Variants in NSUN7 observed in about 807,000 individuals in gnomAD.
NSUN7 encodes NOP2/Sun RNA methyltransferase family member 7.
A neutral mutation model predicts 58.5 loss-of-function variants in NSUN7; 39 were observed. The ratio of observed to expected loss-of-function variants is 0.67; its 90% CI spans 0.52 to 0.87. The LOEUF is 0.87. Ranked by LOEUF, NSUN7 falls within the 40% of genes least tolerant of loss-of-function variation. The probability of loss-of-function intolerance (pLI) is 0.00; values close to 1 mark genes in which losing one functional copy is unlikely to be tolerated. For missense variants in NSUN7, 765 were observed against 844.1 expected, an observed-to-expected ratio of 0.91 and a Z score of 1.16; for synonymous variants, 278 against 303.7, an observed-to-expected ratio of 0.92 and a Z score of 0.88.
chr4:40,780,786 CATACACAT>C (rs1195381185), intron 7 of NSUN7, among the ~76,000 whole-genome samples: 8 of 98,180 alleles, frequency 8.1e-5, no homozygotes, highest in East Asian at 2.6e-4. Flanking sequence ...CACACACACA[CATACACAT>C]ATATATATAT....
Position 40,798,802 on chromosome 4 carries a change from C to T in NSUN7, c.1298C>T (p.Ala433Val). The change falls in exon 10 of 12, where the codon GCA becomes GTA. Residue 433 changes from alanine to valine, a missense_variant. Physicochemically the swap from Ala to Val is moderately conservative, Grantham distance 64 (BLOSUM62 0). Transcript: ENST00000381782. ...THAMKFTKAQ[A>V]VVYCTCSVFP... ...TCTAATATAGTTACTAAAGCTCAAG[C>T]AGTTGTTTACTGCACATGTTCAGTT... is the stretch of plus-strand genomic sequence containing the variant. The T allele has an allele frequency of 6.2e-7, 1 of 1,603,202 alleles. No homozygotes were observed. Among genetic ancestry groups the T allele is most frequent in the Non-Finnish European group, 8.5e-7 (1 of 1,172,216 alleles).
In NSUN7 at chr4:40,776,220, C is replaced by T; in HGVS notation, c.997C>T (p.Pro333Ser). ...VCGVQSQAKDPDLKTLFTKIG... is the reference protein window; with the variant it reads ...VCGVQSQAKDSDLKTLFTKIG... ...TGGAGTACAATCACAAGCTAAGGAT[C>T]CTGACTTGAAGACCCTTTTCACAAA... The change falls in exon 7 of 12, where the codon CCT becomes TCT. Residue 333 changes from proline (P) to serine (S), a missense_variant. Transcript: ENST00000381782. 1 of 1,609,786 alleles carries T rather than the reference C, an allele frequency of 6.2e-7. No homozygotes were observed. Among genetic ancestry groups the T allele is most frequent in the Non-Finnish European group, 8.5e-7 (1 of 1,178,770 alleles).
intron 7 of NSUN7, chr4:40,786,124 C>G: frequency 6.4e-7 from 1 of 1,573,294 alleles, no homozygotes; most frequent in Non-Finnish European, 8.6e-7. Flanking sequence ...GGGGAATGGG[C>G]TATCAGACCA....
rs189149085 is a variant in NSUN7, at chr4:40,793,658, T to C, written c.1181-717T>C. Among the ~76,000 whole-genome samples, 460 of 152,300 alleles carry C rather than the reference T, an allele frequency of 3.0e-3. 2 individuals carry two copies. The highest frequency in any genetic ancestry group is 0.011 in the African/African-American group (439 of 41,574). On this transcript the variant is annotated intron_variant, in intron 8 of 11. Coordinates refer to ENST00000381782, the MANE Select transcript of NSUN7 (RefSeq NM_024677.6). ...GAGTTTAAAAATTTGGGTCCTCTGG[T>C]TAGATTTCTGAGTTAGAATCCTGGC...
rs1334691789 is a variant in NSUN7, at chr4:40,750,783, G to GA, written c.94dup (p.Ser32LysfsTer42). ...TCACTTCCCTGCCTCTGTCCGGTGG[G>GA]AAAAGCTCAGCTGGTGTGCCCGAAA... is the stretch of plus-strand genomic sequence containing the variant. On this transcript the variant is annotated frameshift_variant, in exon 2 of 12. Transcript: ENST00000381782. LOFTEE classifies it high-confidence loss of function. The GA allele has an allele frequency of 6.2e-7, 1 of 1,614,196 alleles. No individual in the cohort carries two copies. The highest frequency in any genetic ancestry group is 8.5e-7 in the Non-Finnish European group (1 of 1,180,036).
intron 7 of NSUN7, among the ~76,000 whole-genome samples, chr4:40,781,840 T>C (rs1742581497): frequency 1.3e-5 from 2 of 152,230 alleles, no homozygotes; most frequent in Non-Finnish European, 2.9e-5. Flanking sequence ...GAAAAAGATA[T>C]GCTGTGTGTA....
chr4:40,804,918 A>G (rs995463082), intron 10 of NSUN7, among the ~76,000 whole-genome samples: 1 of 152,088 alleles, frequency 6.6e-6, no homozygotes, highest in African/African-American at 2.4e-5. Flanking sequence ...AACCACCACC[A>G]AACCTCTCAG....
At chr4:40,756,140 A>G (rs780253503) in intron 2 of NSUN7, among the ~76,000 whole-genome samples, 8 of 152,224 alleles carry the variant, frequency 5.3e-5, no homozygotes, top group Non-Finnish European at 8.8e-5. Context: ...CTTAGAGGTT[A>G]TCTCCTAGGA....
rs1741449495 is a variant in NSUN7, at chr4:40,761,228, T to C, written c.415T>C (p.Phe139Leu). The C allele has an allele frequency of 8.2e-6, 13 of 1,586,000 alleles. No homozygotes were observed. Among genetic ancestry groups the C allele is most frequent in the Non-Finnish European group, 1.1e-5 (13 of 1,171,550 alleles). Reference protein sequence around the residue: ...VMLYDFQDRKFQTRVLSDNEE... With the variant: ...VMLYDFQDRKLQTRVLSDNEE... The stretch of plus-strand genomic sequence containing the variant: ...GCTATATGATTTCCAAGATAGAAAA[T>C]TTCAAACTCGTGTCCTTTCTGATAA... The change falls in exon 4 of 12, where the codon TTT becomes CTT. Residue 139 changes from phenylalanine to leucine, a missense_variant. Coordinates refer to ENST00000381782, the MANE Select transcript of NSUN7 (RefSeq NM_024677.6).
intron 11 of NSUN7, among the ~76,000 whole-genome samples, 189 bp from the exon 12 acceptor site, chr4:40,808,118 T>G (rs1743905334): frequency 6.6e-6 from 1 of 151,976 alleles, no homozygotes; most frequent in Non-Finnish European, 1.5e-5. Flanking sequence ...AGTTTTTTTT[T>G]TGTTTGTTTT....
chr4:40,754,047 C>T (rs576580473), intron 2 of NSUN7, among the ~76,000 whole-genome samples: 1 of 152,102 alleles, frequency 6.6e-6, no homozygotes, highest in Non-Finnish European at 1.5e-5. Context: ...ATACAACAGT[C>T]TTGCTTTAAA....
intron 7 of NSUN7, chr4:40,786,572 G>A: frequency 2.5e-6 from 4 of 1,613,334 alleles, no homozygotes; most frequent in Non-Finnish European, 3.4e-6. Flanking sequence ...TTAGCAATGG[G>A]TGACCTGAGT....
chr4:40,809,603 C>T lies in NSUN7; in HGVS notation c.*664C>T, dbSNP rs1744071393. On this transcript the variant is annotated 3_prime_UTR_variant, in exon 12 of 12. Transcript: ENST00000381782. Reference sequence around the variant, plus strand: ...GCAGACTGGACACAATCATCTCTCCCTTCCTCTATGTCAAGCACTGTTACA... The same window carrying T: ...GCAGACTGGACACAATCATCTCTCCTTTCCTCTATGTCAAGCACTGTTACA... The T allele has an allele frequency of 6.6e-6, 1 of 152,122 alleles. No individual in the cohort carries two copies. Among genetic ancestry groups the T allele is most frequent in the Admixed American group, 6.5e-5 (1 of 15,284 alleles). The allele number at this position is 152,122 out of a possible 1,614,324, so 9.4% of individuals were successfully genotyped here.
intron 7 of NSUN7, among the ~76,000 whole-genome samples, chr4:40,780,931 T>C (rs1475880060): frequency 6.7e-6 from 1 of 150,342 alleles, no homozygotes; most frequent in East Asian, 2.0e-4. Flanking sequence ...ACCATTCTTC[T>C]GCCTCAGCCT....
intron 10 of NSUN7, among the ~76,000 whole-genome samples, chr4:40,801,277 A>G: frequency 6.6e-6 from 1 of 152,196 alleles, no homozygotes; most frequent in Non-Finnish European, 1.5e-5. Context: ...GGTATTGTGA[A>G]TGGTGAAGTG....
chr4:40,786,359 G>C (rs1742824009), intron 7 of NSUN7: 5 of 1,611,906 alleles, frequency 3.1e-6, no homozygotes, highest in Non-Finnish European at 4.2e-6. Flanking sequence ...GAGAAATTAA[G>C]GCCACTGTGG....
At position 40,798,060 on chromosome 4, in the gene NSUN7, T is replaced by C. The variant is rs145324559; in HGVS notation, c.1283-727T>C. On this transcript the variant is annotated intron_variant, in intron 9 of 11. Transcript: ENST00000381782. ...AGTTTGCCATCTCAACAATGCTTTC[T>C]CTCACTGCTCTATTTCACACTATTT... is the stretch of plus-strand genomic sequence containing the variant. Among the ~76,000 whole-genome samples the C allele has an allele frequency of 3.3e-3, 505 of 152,364 alleles. 3 individuals are homozygous for C. The highest frequency in any genetic ancestry group is 0.011 in the African/African-American group (477 of 41,590).
chr4:40,791,992 C>T (rs1743090044), intron 8 of NSUN7, among the ~76,000 whole-genome samples: 1 of 152,148 alleles, frequency 6.6e-6, no homozygotes, highest in African/African-American at 2.4e-5. Flanking sequence ...TTCCACTAAA[C>T]GACACTATCT....
At chr4:40,785,958 G>T (rs1742800960) in intron 7 of NSUN7, among the ~76,000 whole-genome samples, 1 of 152,266 alleles carries the variant, frequency 6.6e-6, no homozygotes, top group Admixed American at 6.5e-5. Context: ...CAGGGAATAG[G>T]TATCAGGGCG....
Sources: allele counts gnomAD v4.1 joint callset (sites outside exome capture counted in the v4.1 genomes callset), GRCh38; gene constraint gnomAD v4.1.1; transcripts MANE v1.5; gene names NCBI Gene and HGNC (gene_info 2026-07-23, HGNC 2026-07-21).